The following TNNI3K variants were observed in gnomAD, a reference collection of about 807,000 sequenced individuals.
TNNI3K encodes the protein serine/threonine-protein kinase TNNI3K.
A neutral mutation model predicts 114.5 loss-of-function variants in TNNI3K; 140 were observed. The ratio of observed to expected loss-of-function variants is 1.22; its 90% CI spans 1.07 to 1.41. The LOEUF (loss-of-function observed/expected upper bound fraction) is 1.41, where lower values mean the gene tolerates loss of function less well. Among genes scored for constraint, TNNI3K ranks in the 40% most tolerant of loss-of-function variants. The pLI is 0.00. For synonymous variants in TNNI3K, 347 were observed against 347.5 expected (o/e 1.00, Z 0.02); for missense variants, 1,125 against 1,007.6 (o/e 1.12, Z -1.58).
chr1:74,411,362 A>T (rs1570588286), intron 17 of TNNI3K, among the ~76,000 whole-genome samples: 1 of 152,180 alleles, frequency 6.6e-6, no homozygotes, highest in African/African-American at 2.4e-5. Flanking sequence ...GAGGATAATA[A>T]CCATGGGTAA....
intron 3 of TNNI3K, 148 bp downstream of exon 3, chr1:74,249,692 A>G: frequency 1.6e-6 from 1 of 634,256 alleles, no homozygotes; most frequent in Non-Finnish European, 2.5e-6. Flanking sequence ...ATCTCAGTTT[A>G]GGCAGTAACT....
chr1:74,349,568 C>T (rs1184607513), intron 9 of TNNI3K, among the ~76,000 whole-genome samples: 2 of 152,142 alleles, frequency 1.3e-5, no homozygotes, highest in Non-Finnish European at 2.9e-5. Flanking sequence ...CCTTGTACCT[C>T]TGGTAGAATT....
At chr1:74,491,235 T>C (rs558713597) in intron 22 of TNNI3K, among the ~76,000 whole-genome samples, 105 of 152,240 alleles carry the variant, frequency 6.9e-4, no homozygotes, top group African/African-American at 2.4e-3. Context: ...GTTTGTTTGT[T>C]TTTGAGAGAG....
chr1:74,275,796 C>T (rs1656647042), intron 5 of TNNI3K, among the ~76,000 whole-genome samples: 1 of 152,086 alleles, frequency 6.6e-6, no homozygotes, highest in African/African-American at 2.4e-5. Context: ...GAAGCAATTA[C>T]TGTGGTTTAC....
intron 23 of TNNI3K, among the ~76,000 whole-genome samples, chr1:74,532,108 C>T (rs755008821): frequency 3.3e-5 from 5 of 152,202 alleles, no homozygotes; most frequent in East Asian, 1.9e-4. Context: ...GAAGATGAAT[C>T]CATGCATGCA....
At chr1:74,425,881 G>A (rs192464309) in intron 17 of TNNI3K, among the ~76,000 whole-genome samples, 168 of 152,064 alleles carry the variant, frequency 1.1e-3, no homozygotes, top group African/African-American at 3.7e-3. Flanking sequence ...CTAAACCATC[G>A]TGGTTGATAA....
chr1:74,343,021 G>T, intron 8 of TNNI3K, 35 bp downstream of exon 8: 1 of 1,613,546 alleles, frequency 6.2e-7, no homozygotes, highest in Non-Finnish European at 8.5e-7. Context: ...GGTTCTCCAG[G>T]TATACTGCAT....
At position 74,369,031 on chromosome 1, in the gene TNNI3K, A is replaced by T. The variant is rs200397497; in HGVS notation, c.1331A>T (p.Asp444Val). 3.1e-6 allele frequency: 5 copies of T among 1,601,318 alleles called. No individual in the cohort carries two copies. The South Asian group carries it at 5.7e-5, about 18-fold the overall frequency. ...CAATTTCTCTTTGCAGAGAAGGCAG[A>T]TATTCTCCTCCTAAGAGCTGGATTG... Reference protein sequence around the residue: ...KIKSMTKEKADILLLRAGLPS... With the variant: ...KIKSMTKEKAVILLLRAGLPS... The change falls in exon 14 of 25, where the codon GAT becomes GTT. Residue 444 changes from aspartate to valine, a missense_variant. Physicochemically the swap from Asp to Val is radical, Grantham distance 152. Transcript: ENST00000326637.
rs984723450 is a variant in TNNI3K, at chr1:74,368,841, G to C, written c.1322-181G>C. ...AGAACTAACATGATTTTAATGCAGG[G>C]GGGTAGGGATCATTTGGGTTAAGGT... is the stretch of plus-strand genomic sequence containing the variant. On this transcript the variant is annotated intron_variant, in intron 13 of 24. Coordinates refer to ENST00000326637, the MANE Select transcript of TNNI3K (RefSeq NM_015978.3). 3 of 542,200 alleles carry C rather than the reference G, an allele frequency of 5.5e-6. No homozygotes were observed. The African/African-American group carries it at 5.9e-5, about 11-fold the overall frequency. 33.6% of individuals were successfully genotyped at this position (542,200 alleles called of 1,614,324 possible). A position where few individuals can be genotyped will look rare whatever the true frequency, so the allele number is the denominator to read the frequency against.
chr1:74,487,466 A>T (rs1293500444), intron 21 of TNNI3K, among the ~76,000 whole-genome samples: 1 of 152,160 alleles, frequency 6.6e-6, no homozygotes, highest in Non-Finnish European at 1.5e-5. Context: ...TCCATGGGAG[A>T]TTAGAGGGTC....
At chr1:74,460,420 T>G (rs183690208) in intron 20 of TNNI3K, among the ~76,000 whole-genome samples, 2 of 152,342 alleles carry the variant, frequency 1.3e-5, no homozygotes, top group African/African-American at 4.8e-5. Context: ...ACTAAACTAT[T>G]GATAAATATT....
rs1311729066 is a variant in TNNI3K, at chr1:74,369,226, TA to T, written c.1437del (p.Gly480AspfsTer7). 6.8e-6 allele frequency: 11 copies of T among 1,611,754 alleles called. No homozygotes were observed. In the African/African-American group the frequency reaches 1.5e-4, roughly 22 times the overall value. Reference protein sequence around the residue: ...IGSGSFGKVYKGRCRNKIVAI... With the variant: ...IGSGSFGKVYXGRCRNKIVAI... The stretch of plus-strand genomic sequence containing the variant: ...TTGTAGGTTCTTTTGGGAAAGTATA[TA>T]AAGGACGATGCAGAAATAAAATAGT... On this transcript the variant is annotated frameshift_variant, in exon 15 of 25. Coordinates refer to ENST00000326637, the MANE Select transcript of TNNI3K (RefSeq NM_015978.3). LOFTEE classifies it high-confidence loss of function.
chr1:74,367,263 T>A lies in TNNI3K; in HGVS notation c.1185T>A (p.Asp395Glu), dbSNP rs1317806612. 5 of 1,611,918 alleles carry A rather than the reference T, an allele frequency of 3.1e-6. No homozygotes were observed. Among genetic ancestry groups the A allele is most frequent in the Non-Finnish European group, 8.5e-7 (1 of 1,178,638 alleles). Reference sequence around the variant, plus strand: ...TTGTATCTTTTCATAAAGGGCATGATGCCATTGTCACACTCCTGAAGCATT... The same window carrying A: ...TTGTATCTTTTCATAAAGGGCATGAAGCCATTGTCACACTCCTGAAGCATT... Reference protein sequence around the residue: ...CLMWAYEKGHDAIVTLLKHYK... With the variant: ...CLMWAYEKGHEAIVTLLKHYK... Residue 395 changes from aspartate (D) to glutamate (E), a missense_variant, in exon 12 of 25, where the codon GAT becomes GAA. Coordinates refer to ENST00000326637, the MANE Select transcript of TNNI3K (RefSeq NM_015978.3).
intron 17 of TNNI3K, among the ~76,000 whole-genome samples, chr1:74,427,334 T>C (rs1665687527): frequency 1.3e-5 from 2 of 151,860 alleles, no homozygotes; most frequent in African/African-American, 4.8e-5. Flanking sequence ...ATGACTTTAT[T>C]TTAGTAATCA....
At chr1:74,482,099 G>T (rs1668534296) in intron 21 of TNNI3K, among the ~76,000 whole-genome samples, 1 of 152,134 alleles carries the variant, frequency 6.6e-6, no homozygotes, top group Admixed American at 6.5e-5. Context: ...GGCCAGTTCG[G>T]CATTTTGTTT....
At chr1:74,487,521 A>G (rs1490025020) in intron 21 of TNNI3K, among the ~76,000 whole-genome samples, 2 of 152,184 alleles carry the variant, frequency 1.3e-5, no homozygotes, top group Non-Finnish European at 2.9e-5. Flanking sequence ...AATAAAGTTT[A>G]GGATTCTTTC....
chr1:74,425,904 T>G (rs1464310266), intron 17 of TNNI3K, among the ~76,000 whole-genome samples: 1 of 152,008 alleles, frequency 6.6e-6, no homozygotes, highest in Non-Finnish European at 1.5e-5. Context: ...TCCATTCCTG[T>G]GACTAATACT....
chr1:74,382,350 A>C (rs1663246617), intron 17 of TNNI3K, among the ~76,000 whole-genome samples: 1 of 152,192 alleles, frequency 6.6e-6, no homozygotes. Flanking sequence ...GGGTACCAGG[A>C]CAACAGTCAA....
In TNNI3K at chr1:74,281,758, A is replaced by G. The variant is rs147409797; in HGVS notation, c.444+10050A>G. Among the ~76,000 whole-genome samples the G allele has an allele frequency of 2.2e-3, 335 of 151,990 alleles. 1 individual carries two copies. Among genetic ancestry groups the G allele is most frequent in the African/African-American group, 7.3e-3 (303 of 41,450 alleles). On this transcript the variant is annotated intron_variant, in intron 5 of 24. Coordinates refer to ENST00000326637, the MANE Select transcript of TNNI3K (RefSeq NM_015978.3). ...ATATAAAACATATTAAAAATCAAGAAACATTGGTTCTTGATATTTAAGTTT... is the reference window on the plus strand; with the variant it reads ...ATATAAAACATATTAAAAATCAAGAGACATTGGTTCTTGATATTTAAGTTT...
Sources: gnomAD v4.1 joint callset for allele counts (sites outside exome capture counted in the v4.1 genomes callset) on GRCh38, gnomAD v4.1.1 for gene constraint, MANE v1.5 for transcripts, NCBI Gene and HGNC (gene_info 2026-07-23, HGNC 2026-07-21) for gene names.